The following PGS1 variants were observed in gnomAD, a reference collection of about 807,000 sequenced individuals.
PGS1 encodes the protein phosphatidylglycerophosphate synthase 1, also known as CDP-diacylglycerol--glycerol-3-phosphate 3-phosphatidyltransferase, mitochondrial.
In PGS1, 44 loss-of-function variants were observed where a neutral mutation model predicts 58.3. The ratio of observed to expected loss-of-function variants is 0.75; its 90% CI spans 0.59 to 0.97. The LOEUF (loss-of-function observed/expected upper bound fraction) is 0.97. Ranked by LOEUF, PGS1 falls within the 50% of genes least tolerant of loss-of-function variation. The pLI is 0.00. For missense variants in PGS1, 684 were observed against 731.1 expected (o/e 0.94, Z 0.74); for synonymous variants, 330 against 311.0 (o/e 1.06, Z -0.64).
intron 7 of PGS1, among the ~76,000 whole-genome samples, chr17:78,410,047 G>A (rs1052278730): frequency 1.3e-5 from 2 of 152,182 alleles, no homozygotes; most frequent in African/African-American, 4.8e-5. Context: ...GGAGACGGAG[G>A]TTGCAGTGAG....
chr17:78,392,772 T>G, intron 2 of PGS1, 107 bp downstream of exon 2: 1 of 837,200 alleles, frequency 1.2e-6, no homozygotes, highest in South Asian at 1.7e-5. Context: ...CTGCTCAAGC[T>G]TATTCCTTCT....
intron 8 of PGS1, among the ~76,000 whole-genome samples, chr17:78,418,947 T>C (rs2085449348): frequency 6.6e-6 from 1 of 152,182 alleles, no homozygotes; most frequent in Non-Finnish European, 1.5e-5. Flanking sequence ...TTCCACCAGT[T>C]ATATTTCTTC....
chr17:78,404,248 G>A (rs12601079), intron 7 of PGS1, among the ~76,000 whole-genome samples, 159 bp downstream of exon 7: 90,284 of 149,304 alleles, frequency 0.6, 27,283 homozygotes, highest in Admixed American at 0.65. Context: ...CCATGACTTG[G>A]GGAGAGGCGA....
intron 2 of PGS1, 80 bp from the exon 3 acceptor site, chr17:78,396,228 C>T (rs2083219301): frequency 9.5e-7 from 1 of 1,058,072 alleles, no homozygotes; most frequent in Non-Finnish European, 1.5e-6. Context: ...TGGGATTTGC[C>T]TCCCAGGTCA....
chr17:78,395,122 G>A (rs566954010), intron 2 of PGS1, among the ~76,000 whole-genome samples: 1 of 152,330 alleles, frequency 6.6e-6, no homozygotes, highest in East Asian at 1.9e-4. Context: ...TTCCCAGGGC[G>A]CACAGCGAGA....
intron 7 of PGS1, among the ~76,000 whole-genome samples, chr17:78,406,959 C>G (rs958307768): frequency 6.6e-6 from 1 of 152,226 alleles, no homozygotes; most frequent in Non-Finnish European, 1.5e-5. Context: ...AGCTGACTCC[C>G]CAGTTACCGC....
intron 9 of PGS1, chr17:78,420,025 G>A: frequency 8.7e-7 from 1 of 1,143,422 alleles, no homozygotes; most frequent in Non-Finnish European, 1.1e-6. Flanking sequence ...AAGGCAGATT[G>A]AGCCCCTCCA....
chr17:78,383,182 TCTTAA>T (rs746039095), intron 1 of PGS1, among the ~76,000 whole-genome samples: 1 of 152,212 alleles, frequency 6.6e-6, no homozygotes, highest in African/African-American at 2.4e-5. Context: ...GGTTAGGGGT[TCTTAA>T]CTTCTCTGAG....
chr17:78,421,149 TTGAATACA>T (rs910585682), intron 9 of PGS1: 2 of 152,264 alleles, frequency 1.3e-5, no homozygotes, highest in African/African-American at 2.4e-5. Context: ...GCAGGGGATT[TTGAATACA>T]TGTCATGTGT....
chr17:78,414,784 C>A, intron 7 of PGS1, 95 bp from the exon 8 acceptor site: 2 of 1,428,290 alleles, frequency 1.4e-6, no homozygotes, highest in Non-Finnish European at 1.9e-6. Flanking sequence ...GCACCCAGGG[C>A]AGGCCGCCTT....
At chr17:78,401,956 A>G (rs1369421348) in intron 6 of PGS1, among the ~76,000 whole-genome samples, 1 of 152,216 alleles carries the variant, frequency 6.6e-6, no homozygotes, top group Admixed American at 6.5e-5. Flanking sequence ...TGCTTAGGCC[A>G]GGATGAGAGC....
At position 78,399,355 on chromosome 17, in the gene PGS1, GA is replaced by G; in HGVS notation, c.521del (p.Asn174ThrfsTer59). 6.2e-7 allele frequency: 1 copy of G among 1,613,864 alleles called. No homozygotes were observed. The highest frequency in any genetic ancestry group is 8.5e-7 in the Non-Finnish European group (1 of 1,179,822). On this transcript the variant is annotated frameshift_variant, in exon 5 of 10. Transcript: ENST00000262764. LOFTEE classifies it high-confidence loss of function. ...TTCTCTGTCCGTGTTCAGGCCGGAA[GA>G]ACTCCCGCACAATGCTGCTCCCACT... is the stretch of plus-strand genomic sequence containing the variant. ...DFTRGSRGRK[N>X]SRTMLLPLLR...
At chr17:78,412,283 T>C (rs1024655062) in intron 7 of PGS1, among the ~76,000 whole-genome samples, 5 of 152,122 alleles carry the variant, frequency 3.3e-5, no homozygotes, top group Admixed American at 1.3e-4. Context: ...TGGAGAAAGA[T>C]TGCAGTGCAA....
rs542143117 is a variant in PGS1, at chr17:78,403,890, C to G, written c.1203C>G (p.Gly401=). 1.4e-5 allele frequency: 23 copies of G among 1,614,136 alleles called. No homozygotes were observed. In the East Asian group the frequency reaches 4.9e-4, roughly 34 times the overall value. Residue 401 remains glycine (G), a synonymous_variant, in exon 7 of 10, where the codon GGC becomes GGG. Coordinates refer to ENST00000262764, the MANE Select transcript of PGS1 (RefSeq NM_024419.5). ...AGGCCTACATGGACCTGGTCTTGGG[C>G]ACTCGGGCTGAGTACCAGATCCTGC... is the stretch of plus-strand genomic sequence containing the variant. The part of the protein sequence containing the change: ...LTQAYMDLVL[G]TRAEYQILLA...
chr17:78,421,898 A>AGCGGGCGGCGGGCG (rs138437275), intron 9 of PGS1: 1 of 151,968 alleles, frequency 6.6e-6, no homozygotes, highest in Admixed American at 6.5e-5. Context: ...AACAGAGAGC[A>AGCGGGCGGCGGGCG]GCGGGCGGCG....
intron 7 of PGS1, among the ~76,000 whole-genome samples, chr17:78,410,621 G>C (rs534306341): frequency 9.2e-5 from 14 of 151,728 alleles, no homozygotes; most frequent in Admixed American, 2.0e-4. Context: ...TTACAGGCAC[G>C]CACCAGAATG....
intron 1 of PGS1, among the ~76,000 whole-genome samples, chr17:78,379,744 G>A (rs1417597492): frequency 7.3e-5 from 11 of 151,654 alleles, no homozygotes; most frequent in Admixed American, 5.2e-4. Context: ...CAGGAGAATC[G>A]CTTGAACCCA....
chr17:78,384,241 G>A (rs1157806053), intron 1 of PGS1, among the ~76,000 whole-genome samples: 1 of 152,162 alleles, frequency 6.6e-6, no homozygotes, highest in East Asian at 1.9e-4. Flanking sequence ...AGTTCAGCAG[G>A]CCGTTGGTCT....
In PGS1 at chr17:78,424,050, G is replaced by T; in HGVS notation, c.*11-11G>T. ...ACTCATAGATGTTCTTGGTCTCCAT[G>T]CGGTCCACAGGAATGGCCTTGATGA... On this transcript the variant is annotated splice_polypyrimidine_tract_variant and intron_variant, in intron 9 of 9. Coordinates refer to ENST00000262764, the MANE Select transcript of PGS1 (RefSeq NM_024419.5). 6.2e-7 allele frequency: 1 copy of T among 1,614,070 alleles called. No individual in the cohort carries two copies. The highest frequency in any genetic ancestry group is 1.1e-5 in the South Asian group (1 of 91,088).
Sources: gnomAD v4.1 joint callset for allele counts (sites outside exome capture counted in the v4.1 genomes callset) on GRCh38, gnomAD v4.1.1 for gene constraint, MANE v1.5 for transcripts, NCBI Gene and HGNC (gene_info 2026-07-23, HGNC 2026-07-21) for gene names.